HERC4: variants seen among roughly 807,000 people sequenced by gnomAD.
HERC4 encodes HECT and RLD domain containing E3 ubiquitin protein ligase 4.
Under a neutral mutation model 124.3 loss-of-function variants are expected in HERC4, and 28 were observed. The ratio of observed to expected loss-of-function variants is 0.23; its 90% confidence interval spans 0.17 to 0.31. The LOEUF (loss-of-function observed/expected upper bound fraction) is 0.31, where lower values mean the gene tolerates loss of function less well. Among genes scored for constraint, HERC4 ranks in the 10% least tolerant of loss-of-function variants. The probability of loss-of-function intolerance (pLI) is 1.00; values close to 1 mark genes in which losing one functional copy is unlikely to be tolerated. For missense variants in HERC4, 713 were observed against 1,229.3 expected (o/e 0.58, Z 6.28); for synonymous variants, 407 against 421.5 (o/e 0.97, Z 0.42).
Position 67,927,694 on chromosome 10 carries a change from G to A in HERC4, c.2839-2507C>T, listed in dbSNP as rs1383041532. ...CCTGCCTCAGCCTCCCAAAGTGCTG[G>A]GATTACAGGCATGAGCCACTGCGCC... is the stretch of plus-strand genomic sequence containing the variant. On this transcript the variant is annotated intron_variant, in intron 23 of 24. Coordinates refer to ENST00000373700, the MANE Select transcript of HERC4 (RefSeq NM_015601.4). 2.0e-5 allele frequency among the ~76,000 whole-genome samples: 3 copies of A among 151,928 alleles called. No individual in the cohort carries two copies. In the East Asian group the frequency reaches 5.8e-4, roughly 30 times the overall value.
intron 16 of HERC4, chr10:67,960,663 G>A (rs866976256): frequency 3.7e-4 from 60 of 162,392 alleles, no homozygotes; most frequent in Admixed American, 2.5e-3. Flanking sequence ...GATTACAGGC[G>A]TCAGCCACCG....
chr10:67,992,544 G>A (rs2036609275), intron 10 of HERC4, 62 bp downstream of exon 10: 3 of 1,120,590 alleles, frequency 2.7e-6, no homozygotes, highest in Non-Finnish European at 3.9e-6. Flanking sequence ...ATTAATAATG[G>A]GTTTTTAAAA....
chr10:67,984,027 C>T (rs1053021106), intron 15 of HERC4, among the ~76,000 whole-genome samples: 3 of 151,804 alleles, frequency 2.0e-5, no homozygotes, highest in African/African-American at 7.3e-5. Context: ...TCTGGCCAGG[C>T]TTGGTGGCTC....
intron 3 of HERC4, chr10:68,067,993 G>A (rs553222225): frequency 2.6e-5 from 4 of 152,200 alleles, no homozygotes; most frequent in African/African-American, 9.6e-5. Flanking sequence ...GTACAAGGGG[G>A]AAGACAATAA....
At chr10:68,064,466 A>AGGT in intron 3 of HERC4, among the ~76,000 whole-genome samples, 1 of 150,858 alleles carries the variant, frequency 6.6e-6, no homozygotes, top group Non-Finnish European at 1.5e-5. Context: ...AAGCAGGAGA[A>AGGT]TCATCTGAAC....
At chr10:68,058,072 C>T (rs1038601427) in intron 3 of HERC4, among the ~76,000 whole-genome samples, 12 of 151,450 alleles carry the variant, frequency 7.9e-5, no homozygotes, top group African/African-American at 2.9e-4. Flanking sequence ...CACGTATGTG[C>T]TTCTCACAAG....
chr10:67,993,331 T>C (rs989115250), intron 9 of HERC4: 1 of 139,056 alleles, frequency 7.2e-6, no homozygotes, highest in African/African-American at 2.7e-5. Context: ...GGCCAGAGCA[T>C]AAGACTCCAC....
At chr10:67,945,166 T>C (rs1189472849) in intron 19 of HERC4, among the ~76,000 whole-genome samples, 1 of 151,752 alleles carries the variant, frequency 6.6e-6, no homozygotes, top group East Asian at 1.9e-4. Flanking sequence ...ATAATCAAAC[T>C]CCCAAAGGTC....
intron 15 of HERC4, among the ~76,000 whole-genome samples, chr10:67,979,079 AG>A (rs1342591783): frequency 1.6e-4 from 24 of 152,184 alleles, no homozygotes; most frequent in African/African-American, 5.8e-4. Context: ...CCAGACAGAG[AG>A]GAACATCTGT....
intron 15 of HERC4, among the ~76,000 whole-genome samples, chr10:67,981,049 T>TA (rs575605024): frequency 1.3e-5 from 2 of 152,172 alleles, no homozygotes; most frequent in Non-Finnish European, 2.9e-5. Context: ...TGTCCTTACT[T>TA]ATCAATAACA....
chr10:67,927,446 A>T (rs1357208246), intron 23 of HERC4, among the ~76,000 whole-genome samples: 44 of 45,356 alleles, frequency 9.7e-4, no homozygotes, highest in East Asian at 4.1e-3. Context: ...TTTTTTTTTT[A>T]GATAGAGTCT....
chr10:68,072,180 TC>T, intron 3 of HERC4, among the ~76,000 whole-genome samples: 1 of 152,272 alleles, frequency 6.6e-6, no homozygotes, highest in African/African-American at 2.4e-5. Flanking sequence ...ACAATGATAC[TC>T]CTAAATGTAG....
chr10:67,935,037 T>C (rs1241107063), intron 22 of HERC4, among the ~76,000 whole-genome samples: 1 of 152,130 alleles, frequency 6.6e-6, no homozygotes, highest in African/African-American at 2.4e-5. Flanking sequence ...TGATTTCGGT[T>C]TCCTCTGAAG....
At position 67,987,051 on chromosome 10, in the gene HERC4, AG is replaced by A. The variant is rs370810058; in HGVS notation, c.1806+1611del. Among the ~76,000 whole-genome samples the A allele has an allele frequency of 5.9e-3, 895 of 152,312 alleles. 13 individuals are homozygous for A. Among genetic ancestry groups the A allele is most frequent in the African/African-American group, 0.021 (860 of 41,560 alleles). ...GAGTATTCACATGAACTACAGACAA[AG>A]GAGGTTCTAGTGGTTAGCAAGCAAT... On this transcript the variant is annotated intron_variant, in intron 15 of 24. Coordinates refer to ENST00000373700, the MANE Select transcript of HERC4 (RefSeq NM_015601.4).
chr10:68,025,440 C>T, intron 8 of HERC4, 106 bp downstream of exon 8: 1 of 1,257,182 alleles, frequency 8.0e-7, no homozygotes, highest in South Asian at 1.7e-5. Context: ...TATTTGGGGG[C>T]AGAATGTGTT....
rs1491174148 is a variant in HERC4 at position 68,059,660 on chromosome 10, ATT to A, written c.226+13221_226+13222del. On this transcript the variant is annotated intron_variant, in intron 3 of 24. Coordinates refer to ENST00000373700, the MANE Select transcript of HERC4 (RefSeq NM_015601.4). ...TATTATATATTATATTATATATCAT[ATT>A]ATATATTATATTATATATCATAATA... Among the ~76,000 whole-genome samples the A allele has an allele frequency of 7.8e-5, 6 of 77,202 alleles. 1 individual carries two copies. The highest frequency in any genetic ancestry group is 2.9e-4 in the African/African-American group (4 of 14,034). 50.6% of individuals were successfully genotyped at this position (77,202 alleles called of 152,430 possible).
intron 15 of HERC4, among the ~76,000 whole-genome samples, chr10:67,981,817 T>G (rs2035947599): frequency 6.6e-6 from 1 of 152,062 alleles, no homozygotes; most frequent in Non-Finnish European, 1.5e-5. Flanking sequence ...TGGAGTGGCC[T>G]GTAATCCCAG....
intron 4 of HERC4, among the ~76,000 whole-genome samples, chr10:68,041,594 C>T (rs1229492647): frequency 6.6e-6 from 1 of 152,032 alleles, no homozygotes. Context: ...ACTATCTTGC[C>T]ATAATTTTTT....
chr10:68,045,193 C>A (rs1246931139), intron 3 of HERC4, among the ~76,000 whole-genome samples: 1 of 152,142 alleles, frequency 6.6e-6, no homozygotes, highest in Non-Finnish European at 1.5e-5. Context: ...TGTGGTGGTG[C>A]ACGCCTGTGA....
Sources: allele counts gnomAD v4.1 joint callset (sites outside exome capture counted in the v4.1 genomes callset), GRCh38; gene constraint gnomAD v4.1.1; transcripts MANE v1.5; gene names NCBI Gene and HGNC (gene_info 2026-07-23, HGNC 2026-07-21).